Variants in OPN3 observed in about 807,000 individuals in gnomAD.
OPN3 encodes the protein opsin 3, also known as opsin-3.
Under a neutral mutation model 33.8 loss-of-function variants are expected in OPN3, and 29 were observed. That is an observed-to-expected ratio of 0.86 (90% CI 0.64 to 1.17). The LOEUF (loss-of-function observed/expected upper bound fraction) is 1.17, where lower values mean the gene tolerates loss of function less well. Among genes scored for constraint, OPN3 ranks in the 50% most tolerant of loss-of-function variants. The probability of loss-of-function intolerance (pLI) is 0.00; values close to 1 mark genes in which losing one functional copy is unlikely to be tolerated. For synonymous variants in OPN3, 216 were observed against 216.1 expected, an observed-to-expected ratio of 1.00 and a Z score of 0.00; for missense variants, 437 against 514.1, an observed-to-expected ratio of 0.85 and a Z score of 1.45.
chr1:241,635,225 T>C, intron 1 of OPN3: 1 of 1,613,660 alleles, frequency 6.2e-7, no homozygotes, highest in Non-Finnish European at 8.5e-7. Context: ...ATCTCCACAA[T>C]ACTTTTCCTT....
chr1:241,602,890 T>A (rs1306455698), intron 2 of OPN3, among the ~76,000 whole-genome samples: 1 of 152,126 alleles, frequency 6.6e-6, no homozygotes, highest in Non-Finnish European at 1.5e-5. Flanking sequence ...TTTGATATGC[T>A]CAATAAATAT....
At chr1:241,629,516 A>T (rs1211818177) in intron 1 of OPN3, 1 of 152,150 alleles carries the variant, frequency 6.6e-6, no homozygotes, top group Admixed American at 6.5e-5. Flanking sequence ...GGATATGCAT[A>T]TAGTTTTACA....
chr1:241,599,809 A>G (rs1003650691), intron 2 of OPN3, among the ~76,000 whole-genome samples: 2 of 152,198 alleles, frequency 1.3e-5, no homozygotes, highest in Non-Finnish European at 2.9e-5. Context: ...AAGCAAAAAA[A>G]CCTATGAGAA....
intron 1 of OPN3, among the ~76,000 whole-genome samples, chr1:241,620,345 T>C (rs1028358866): frequency 2.6e-5 from 4 of 152,222 alleles, no homozygotes; most frequent in Non-Finnish European, 5.9e-5. Flanking sequence ...ACTGGATGTT[T>C]GTGGCCCCCC....
intron 3 of OPN3, among the ~76,000 whole-genome samples, chr1:241,596,012 A>G (rs1663498162): frequency 6.6e-6 from 1 of 152,208 alleles, no homozygotes; most frequent in Non-Finnish European, 1.5e-5. Flanking sequence ...GCCCTTAGGA[A>G]CCAGAAACAT....
intron 1 of OPN3, chr1:241,635,470 T>C (rs201802936): frequency 1.9e-6 from 3 of 1,613,874 alleles, no homozygotes; most frequent in East Asian, 4.5e-5. Flanking sequence ...AAAAAGCTTC[T>C]GTGTGTTGAA....
chr1:241,595,712 T>C (rs1663487167), intron 3 of OPN3: 1 of 152,206 alleles, frequency 6.6e-6, no homozygotes. Context: ...CCTGATAATG[T>C]CTTGAGCTCC....
Position 241,594,319 on chromosome 1 carries a change from A to C in OPN3, c.*109T>G. On this transcript the variant is annotated 3_prime_UTR_variant, in exon 4 of 4. Coordinates refer to ENST00000366554, the MANE Select transcript of OPN3 (RefSeq NM_014322.3). ...CAATTCGGATTTCCTGCTGGACCAC[A>C]AGGTTCTGTTGATATTACATAGAAC... 8.1e-7 allele frequency: 1 copy of C among 1,237,314 alleles called. No homozygotes were observed. The highest frequency in any genetic ancestry group is 1.5e-5 in the African/African-American group (1 of 66,594). The allele number at this position is 1,237,314 out of a possible 1,614,324, so 76.6% of individuals were successfully genotyped here. A position where few individuals can be genotyped will look rare whatever the true frequency, so the allele number is the denominator to read the frequency against.
At chr1:241,620,068 C>A (rs867487997) in intron 1 of OPN3, among the ~76,000 whole-genome samples, 25 of 151,752 alleles carry the variant, frequency 1.6e-4, no homozygotes, top group African/African-American at 4.6e-4. Context: ...GGAAAGTTCA[C>A]CAAGTACTGG....
At chr1:241,604,625 A>T in intron 1 of OPN3, 46 bp from the exon 2 acceptor site, 1 of 1,529,696 alleles carries the variant, frequency 6.5e-7, no homozygotes, top group Non-Finnish European at 8.9e-7. Context: ...GCAGGGGGAA[A>T]CCGGGCATAA....
intron 1 of OPN3, chr1:241,634,944 G>A: frequency 6.2e-7 from 1 of 1,613,462 alleles, no homozygotes; most frequent in Middle Eastern, 1.7e-4. Context: ...CAAGGAACTT[G>A]TTCTACCTTT....
At chr1:241,635,562 C>T (rs751361710) in intron 1 of OPN3, 3 of 1,614,070 alleles carry the variant, frequency 1.9e-6, no homozygotes, top group Non-Finnish European at 1.7e-6. Context: ...CTTTCTTCCC[C>T]AATGTCATTG....
rs1664849895 is a variant in OPN3, at chr1:241,635,377, G to A, written c.373+4505C>T. ...ATGCAGAATCCAGAACTTCAGTGAAGGTATTAGACACCCCCAAAGAAGGAT... is the reference window on the plus strand; with the variant it reads ...ATGCAGAATCCAGAACTTCAGTGAAAGTATTAGACACCCCCAAAGAAGGAT... On this transcript the variant is annotated intron_variant, in intron 1 of 3. Coordinates refer to ENST00000366554, the MANE Select transcript of OPN3 (RefSeq NM_014322.3). The A allele has an allele frequency of 2.5e-6, 4 of 1,614,018 alleles. 1 individual carries two copies. Among genetic ancestry groups the A allele is most frequent in the African/African-American group, 2.7e-5 (2 of 75,040 alleles).
intron 1 of OPN3, chr1:241,632,356 C>T (rs926347317): frequency 2.0e-5 from 3 of 152,158 alleles, no homozygotes; most frequent in Non-Finnish European, 2.9e-5. Flanking sequence ...TGAGAACACA[C>T]TAATACAGAG....
chr1:241,610,911 C>T (rs1238258109), intron 1 of OPN3, among the ~76,000 whole-genome samples: 1 of 151,954 alleles, frequency 6.6e-6, no homozygotes, highest in Non-Finnish European at 1.5e-5. Context: ...ATAATAGTAC[C>T]AAAATGCTGT....
At chr1:241,602,715 C>T (rs2147999640) in intron 2 of OPN3, among the ~76,000 whole-genome samples, 1 of 152,178 alleles carries the variant, frequency 6.6e-6, no homozygotes, top group Middle Eastern at 3.4e-3. Flanking sequence ...GGACACTAAT[C>T]CCCTAATCCC....
rs557166120 is a variant in OPN3 at position 241,632,219 on chromosome 1, C to T, written c.373+7663G>A. On this transcript the variant is annotated intron_variant, in intron 1 of 3. Transcript: ENST00000366554. ...TTAGTTCTCATTCTCTCTTGTCCAC[C>T]GCCATGTAAGACGTGCCTTTCACCT... is the stretch of plus-strand genomic sequence containing the variant. 4.8e-4 allele frequency: 73 copies of T among 153,130 alleles called. 1 individual carries two copies. In the East Asian group the frequency reaches 9.2e-3, roughly 19 times the overall value. The allele number at this position is 153,130 out of a possible 1,614,324, so 9.5% of individuals were successfully genotyped here. A position where few individuals can be genotyped will look rare whatever the true frequency, so the allele number is the denominator to read the frequency against.
intron 1 of OPN3, among the ~76,000 whole-genome samples, chr1:241,624,649 A>C (rs942318640): frequency 6.6e-6 from 1 of 152,224 alleles, no homozygotes; most frequent in African/African-American, 2.4e-5. Flanking sequence ...CTACATATGG[A>C]AACATTAATA....
intron 1 of OPN3, among the ~76,000 whole-genome samples, chr1:241,622,557 G>A (rs1416832939): frequency 6.6e-6 from 1 of 152,190 alleles, no homozygotes; most frequent in Admixed American, 6.5e-5. Flanking sequence ...GAATGCAGGA[G>A]TGCTGCCTGG....
Sources: gnomAD v4.1 joint callset for allele counts (sites outside exome capture counted in the v4.1 genomes callset) on GRCh38, gnomAD v4.1.1 for gene constraint, MANE v1.5 for transcripts, NCBI Gene and HGNC (gene_info 2026-07-23, HGNC 2026-07-21) for gene names.